Variants in ZNF730 observed in about 807,000 individuals in gnomAD.
The protein encoded by ZNF730 is putative zinc finger protein 730.
A neutral mutation model predicts 12.6 loss-of-function variants in ZNF730; 12 were observed. That is an observed-to-expected ratio of 0.95 (90% CI 0.61 to 1.54). ZNF730 has a LOEUF of 1.54. Among genes scored for constraint, ZNF730 ranks in the 40% most tolerant of loss-of-function variants. The probability of loss-of-function intolerance (pLI) is 0.00; values close to 1 mark genes in which losing one functional copy is unlikely to be tolerated. For synonymous variants in ZNF730, 194 were observed against 195.8 expected (o/e 0.99, Z 0.08); for missense variants, 643 against 583.5 (o/e 1.10, Z -1.05).
intron 1 of ZNF730, among the ~76,000 whole-genome samples, chr19:23,102,075 G>A (rs955633992): frequency 4.6e-5 from 7 of 152,152 alleles, no homozygotes; most frequent in African/African-American, 1.4e-4. Context: ...TCTACAGAGG[G>A]CCTTGTGACA....
chr19:23,094,624 C>T (rs1173426055), intron 1 of ZNF730, among the ~76,000 whole-genome samples: 2 of 152,090 alleles, frequency 1.3e-5, no homozygotes, highest in Admixed American at 1.3e-4. Context: ...CAGGCGTGTG[C>T]CACCACACCC....
At position 23,106,148 on chromosome 19, in the gene ZNF730, CAGAAGG is replaced by C. The variant is rs369631138; in HGVS notation, c.-93-27919_-93-27914del. On this transcript the variant is annotated intron_variant, in intron 1 of 2. Transcript: ENST00000593635. ...CTTCCTAAAAAAAAGAAGAAGAAAG[CAGAAGG>C]AGAAGGAGAAGGGGAGATGGAGAAA... Among the ~76,000 whole-genome samples the C allele has an allele frequency of 3.1e-3, 464 of 148,714 alleles. 2 individuals are homozygous for C. Among genetic ancestry groups the C allele is most frequent in the African/African-American group, 0.011 (439 of 40,136 alleles).
chr19:23,113,942 G>GT (rs1292107905), upstream of ZNF730, among the ~76,000 whole-genome samples: 3 of 152,034 alleles, frequency 2.0e-5, no homozygotes, highest in Non-Finnish European at 4.4e-5. Context: ...TGGTCAATAA[G>GT]TTTTTTTGTT....
chr19:23,140,746 G>A (rs1448146075), intron 3 of ZNF730, among the ~76,000 whole-genome samples: 2 of 151,466 alleles, frequency 1.3e-5, no homozygotes, highest in Non-Finnish European at 2.9e-5. Context: ...AAGGTCAGGA[G>A]TTCAAGACCA....
chr19:23,127,784 G>GTCT, intron 1 of ZNF730: 2 of 789,490 alleles, frequency 2.5e-6, no homozygotes, highest in South Asian at 2.8e-5. Context: ...CATCGTCCAG[G>GTCT]TCTTCCATCC....
At chr19:23,134,419 A>G (rs560954890) in intron 2 of ZNF730, among the ~76,000 whole-genome samples, 2 of 110,562 alleles carry the variant, frequency 1.8e-5, no homozygotes, top group African/African-American at 7.3e-5. Context: ...CCAGCCGCCC[A>G]GTCCGGGAGG....
intron 1 of ZNF730, among the ~76,000 whole-genome samples, chr19:23,101,444 A>C (rs369938312): frequency 5.0e-4 from 76 of 152,340 alleles, no homozygotes; most frequent in African/African-American, 1.7e-3. Flanking sequence ...ACTTAGACCC[A>C]ACGTACAGAA....
At chr19:23,084,124 A>G (rs1599565764) in intron 1 of ZNF730, among the ~76,000 whole-genome samples, 1 of 152,202 alleles carries the variant, frequency 6.6e-6, no homozygotes, top group East Asian at 1.9e-4. Context: ...ATCTGGTTAT[A>G]TTATTCTGTG....
At position 23,146,865 on chromosome 19, in the gene ZNF730, T is replaced by C; in HGVS notation, c.*309T>C. On this transcript the variant is annotated 3_prime_UTR_variant, in exon 4 of 4. Coordinates refer to ENST00000597761, the MANE Select transcript of ZNF730 (RefSeq NM_001277403.2). ...ATCCTTAATTCTTAACAGACATGAT[T>C]CATACCAGAGAGAAACTCTACAAAC... The C allele has an allele frequency of 2.9e-6, 2 of 691,272 alleles. No homozygotes were observed. The highest frequency in any genetic ancestry group is 3.5e-5 in the South Asian group (2 of 56,584). 42.8% of individuals were successfully genotyped at this position (691,272 alleles called of 1,614,324 possible). A position where few individuals can be genotyped will look rare whatever the true frequency, so the allele number is the denominator to read the frequency against.
chr19:23,136,570 A>T (rs1970835609), intron 3 of ZNF730, among the ~76,000 whole-genome samples: 1 of 152,130 alleles, frequency 6.6e-6, no homozygotes. Flanking sequence ...ACACCCAGCA[A>T]ATTAAACTAT....
chr19:23,142,983 G>T (rs1171124581), intron 3 of ZNF730, among the ~76,000 whole-genome samples: 3 of 151,804 alleles, frequency 2.0e-5, no homozygotes, highest in South Asian at 2.1e-4. Context: ...GGTGGCTCAC[G>T]CCTATAATCC....
Position 23,145,834 on chromosome 19 carries a change from T to C in ZNF730, c.790T>C (p.Phe264Leu). ...KPYQCEKCGK[F>L]FNQSTNLTTH... ...CTACCAATGTGAGAAATGTGGCAAA[T>C]TTTTTAACCAATCCACAAACCTTAC... The change falls in exon 4 of 4, where the codon TTT becomes CTT. Residue 264 changes from phenylalanine (F) to leucine (L), a missense_variant. Physicochemically the swap from Phe to Leu is conservative, Grantham distance 22 (BLOSUM62 0). Transcript: ENST00000597761. 1 of 1,601,480 alleles carries C rather than the reference T, an allele frequency of 6.2e-7. No homozygotes were observed. Among genetic ancestry groups the C allele is most frequent in the Non-Finnish European group, 8.5e-7 (1 of 1,175,730 alleles).
chr19:23,094,694 G>A (rs1970221056), intron 1 of ZNF730, among the ~76,000 whole-genome samples: 4 of 151,864 alleles, frequency 2.6e-5, no homozygotes, highest in Non-Finnish European at 5.9e-5. Context: ...GGCTGATCTC[G>A]AACTCCTGAC....
intron 1 of ZNF730, among the ~76,000 whole-genome samples, chr19:23,108,670 G>T (rs1420131364): frequency 6.6e-6 from 1 of 152,148 alleles, no homozygotes; most frequent in Non-Finnish European, 1.5e-5. Context: ...CACATACCAA[G>T]AAACTATTTT....
chr19:23,095,885 A>G (rs1335722554), intron 1 of ZNF730, among the ~76,000 whole-genome samples: 1 of 152,140 alleles, frequency 6.6e-6, no homozygotes, highest in Non-Finnish European at 1.5e-5. Context: ...TAGCATACAC[A>G]TGATGTGATT....
chr19:23,123,172 A>G (rs894225478), intron 1 of ZNF730: 10 of 152,226 alleles, frequency 6.6e-5, no homozygotes, highest in African/African-American at 2.4e-4. Flanking sequence ...ACAAAGTCAG[A>G]TTCCAGTTTT....
rs1021692004 is a variant in ZNF730 at position 23,120,614 on chromosome 19, AATAAG to A, written c.3+3444_3+3448del. On this transcript the variant is annotated intron_variant, in intron 1 of 3. Transcript: ENST00000597761. ...AATCTTATTAACTTTGTTATAAGAT[AATAAG>A]ATAAGTGGTTATTATCTTATTAAAT... is the stretch of plus-strand genomic sequence containing the variant. Among the ~76,000 whole-genome samples the A allele has an allele frequency of 8.6e-5, 13 of 151,776 alleles. 1 individual carries two copies. The Middle Eastern group carries it at 0.027, about 320-fold the overall frequency.
chr19:23,097,590 G>T (rs1341728094), intron 1 of ZNF730, among the ~76,000 whole-genome samples: 1 of 152,098 alleles, frequency 6.6e-6, no homozygotes, highest in African/African-American at 2.4e-5. Flanking sequence ...TTGGGGCATT[G>T]TGACATGTCT....
At chr19:23,084,951 G>T (rs1599566312) in intron 1 of ZNF730, among the ~76,000 whole-genome samples, 2 of 152,196 alleles carry the variant, frequency 1.3e-5, no homozygotes, top group East Asian at 3.9e-4. Flanking sequence ...TATAATAGAA[G>T]AATTTATATT....
Sources: gnomAD v4.1 joint callset for allele counts (sites outside exome capture counted in the v4.1 genomes callset) on GRCh38, gnomAD v4.1.1 for gene constraint, MANE v1.5 for transcripts, NCBI Gene and HGNC (gene_info 2026-07-23, HGNC 2026-07-21) for gene names.